Variants in ATP8B4 observed in about 807,000 individuals in gnomAD.
ATP8B4 encodes the protein ATPase phospholipid transporting 8B4 (putative).
A neutral mutation model predicts 145.6 loss-of-function variants in ATP8B4; 133 were observed. That is an observed-to-expected ratio of 0.91 (90% CI 0.79 to 1.05). The LOEUF (loss-of-function observed/expected upper bound fraction) is 1.05, where lower values mean the gene tolerates loss of function less well. ATP8B4 is among the 50% of genes least tolerant of loss of function. The pLI is 0.00. For synonymous variants in ATP8B4, 507 were observed against 492.9 expected, an observed-to-expected ratio of 1.03 and a Z score of -0.38; for missense variants, 1,458 against 1,425.2, an observed-to-expected ratio of 1.02 and a Z score of -0.37.
At chr15:50,128,874 A>C (rs9920525) in intron 1 of ATP8B4, among the ~76,000 whole-genome samples, 150,407 of 152,236 alleles carry the variant, frequency 0.99, 74,322 homozygotes, top group East Asian at 1. Context: ...TCGAGACCAG[A>C]CTGACCAACA....
chr15:49,995,159 A>T (rs867521637), intron 9 of ATP8B4, among the ~76,000 whole-genome samples: 19 of 152,296 alleles, frequency 1.2e-4, no homozygotes, highest in Non-Finnish European at 7.4e-5. Flanking sequence ...AATAATTGCT[A>T]ACAATCATGT....
intron 10 of ATP8B4, 52 bp downstream of exon 10, chr15:49,987,339 G>A: frequency 6.3e-7 from 1 of 1,576,202 alleles, no homozygotes; most frequent in Non-Finnish European, 8.7e-7. Context: ...CTGTGCTGGT[G>A]TACGTTGCAG....
rs573836744 is a variant in ATP8B4, at chr15:49,995,321, G to T, written c.589+1356C>A. On this transcript the variant is annotated intron_variant, in intron 9 of 27. Transcript: ENST00000284509. ...TTTTGGGCCTCCATGAATATTCAAT[G>T]AGGTATTTTAAGCAAGTATTTTGAT... 1.7e-3 allele frequency among the ~76,000 whole-genome samples: 252 copies of T among 152,258 alleles called. 2 individuals carry two copies. The highest frequency in any genetic ancestry group is 3.4e-3 in the Middle Eastern group (1 of 294).
chr15:49,963,332 A>G (rs1403865825), intron 13 of ATP8B4, among the ~76,000 whole-genome samples: 1 of 152,214 alleles, frequency 6.6e-6, no homozygotes, highest in Non-Finnish European at 1.5e-5. Context: ...AATTAGTTCA[A>G]CCATTGTGGA....
At chr15:49,916,752 T>C (rs139910095) in intron 20 of ATP8B4, among the ~76,000 whole-genome samples, 182 bp downstream of exon 20, 102 of 152,354 alleles carry the variant, frequency 6.7e-4, no homozygotes, top group African/African-American at 2.4e-3. Flanking sequence ...ATTACTGATA[T>C]CAGCTTCATC....
In ATP8B4 at chr15:50,047,247, T is replaced by C. The variant is rs1409318401; in HGVS notation, c.201+104A>G. On this transcript the variant is annotated intron_variant, in intron 4 of 27. Coordinates refer to ENST00000284509, the MANE Select transcript of ATP8B4 (RefSeq NM_024837.4). The stretch of plus-strand genomic sequence containing the variant: ...GATTAAAAATCTGATAAAGGATGAT[T>C]GTACCTAATCACGAACATTTAGCTA... 7.2e-6 allele frequency: 5 copies of C among 693,570 alleles called. No homozygotes were observed. In the Admixed American group the frequency reaches 1.1e-4, roughly 15 times the overall value. 43.0% of individuals were successfully genotyped at this position (693,570 alleles called of 1,614,324 possible).
At chr15:50,164,485 G>A (rs562011816) in intron 1 of ATP8B4, among the ~76,000 whole-genome samples, 1 of 152,280 alleles carries the variant, frequency 6.6e-6, no homozygotes, top group Admixed American at 6.5e-5. Context: ...ATTTCACTGT[G>A]GCTGAGCTGG....
chr15:50,029,346 G>C (rs76519222), intron 6 of ATP8B4, among the ~76,000 whole-genome samples: 9,758 of 151,722 alleles, frequency 0.064, 352 homozygotes, highest in Non-Finnish European at 0.085. Context: ...AAACCCTCTG[G>C]AGACTCTAAG....
chr15:49,916,618 T>TCA (rs2039766989), intron 20 of ATP8B4, among the ~76,000 whole-genome samples: 1 of 152,170 alleles, frequency 6.6e-6, no homozygotes, highest in Non-Finnish European at 1.5e-5. Flanking sequence ...TGATCACTCA[T>TCA]CACCACGCAA....
chr15:50,117,338 C>T (rs2057185665), intron 1 of ATP8B4, among the ~76,000 whole-genome samples: 1 of 152,224 alleles, frequency 6.6e-6, no homozygotes, highest in African/African-American at 2.4e-5. Flanking sequence ...GCATGAGCCA[C>T]TGCATCTGGC....
At chr15:49,962,235 A>G (rs1690148617) in intron 13 of ATP8B4, among the ~76,000 whole-genome samples, 1 of 152,244 alleles carries the variant, frequency 6.6e-6, no homozygotes, top group South Asian at 2.1e-4. Context: ...AGATAGGACT[A>G]AAGTGCAGTA....
intron 6 of ATP8B4, among the ~76,000 whole-genome samples, chr15:50,028,877 G>A (rs953684185): frequency 5.9e-5 from 9 of 152,180 alleles, no homozygotes; most frequent in African/African-American, 2.2e-4. Context: ...GTCTTCTAGG[G>A]CTGCTATAAC....
chr15:49,932,543 A>C (rs985907146), intron 15 of ATP8B4, among the ~76,000 whole-genome samples: 2 of 152,112 alleles, frequency 1.3e-5, no homozygotes, highest in Non-Finnish European at 2.9e-5. Context: ...CAACTGCTAC[A>C]AACAACTATA....
chr15:49,867,072 G>A (rs16962997), intron 25 of ATP8B4, among the ~76,000 whole-genome samples: 20,176 of 152,126 alleles, frequency 0.13, 1,677 homozygotes, highest in East Asian at 0.4. Flanking sequence ...GCATGGTCAC[G>A]AGCTCTTCTT....
chr15:49,963,108 G>A (rs528098437), intron 13 of ATP8B4, among the ~76,000 whole-genome samples: 1 of 152,166 alleles, frequency 6.6e-6, no homozygotes, highest in East Asian at 1.9e-4. Context: ...TGTGGGCAAA[G>A]GACATGAACA....
chr15:49,876,963 G>C (rs1343722461), intron 24 of ATP8B4, among the ~76,000 whole-genome samples: 1 of 152,220 alleles, frequency 6.6e-6, no homozygotes, highest in Non-Finnish European at 1.5e-5. Flanking sequence ...ACAGCAGAGA[G>C]CTGTGGAGTC....
chr15:49,996,780 C>G, intron 8 of ATP8B4, 21 bp from the exon 9 acceptor site: 1 of 1,592,464 alleles, frequency 6.3e-7, no homozygotes, highest in South Asian at 1.1e-5. Context: ...ATTGACATGA[C>G]ATGAATTTTT....
intron 12 of ATP8B4, 30 bp downstream of exon 12, chr15:49,979,587 A>G (rs764286465): frequency 7.2e-7 from 1 of 1,388,884 alleles, no homozygotes; most frequent in Non-Finnish European, 9.6e-7. Flanking sequence ...TGATGAAATT[A>G]TTTCATTAAA....
At chr15:50,071,984 GAA>G (rs944775032) in intron 3 of ATP8B4, among the ~76,000 whole-genome samples, 2 of 151,160 alleles carry the variant, frequency 1.3e-5, no homozygotes, top group African/African-American at 2.4e-5. Context: ...AGCACAGCAC[GAA>G]AAAAGAGAAA....
Sources: gnomAD v4.1 joint callset for allele counts (sites outside exome capture counted in the v4.1 genomes callset) on GRCh38, gnomAD v4.1.1 for gene constraint, MANE v1.5 for transcripts, NCBI Gene and HGNC (gene_info 2026-07-23, HGNC 2026-07-21) for gene names.